PABPC4L: variants seen among roughly 807,000 people sequenced by gnomAD.
PABPC4L encodes poly(A) binding protein cytoplasmic 4 like.
For missense variants in PABPC4L, 452 were observed against 451.4 expected (o/e 1.00, Z -0.01); for synonymous variants, 169 against 164.1 (o/e 1.03, Z -0.23).
the PABPC4L span, among the ~76,000 whole-genome samples, chr4:134,115,648 G>C: frequency 6.6e-6 from 1 of 151,716 alleles, no homozygotes; most frequent in Non-Finnish European, 1.5e-5. Flanking sequence ...CAAGAATAAA[G>C]AAGTACAATT....
the PABPC4L span, among the ~76,000 whole-genome samples, chr4:134,024,258 C>T: frequency 6.6e-6 from 1 of 152,108 alleles, no homozygotes; most frequent in Non-Finnish European, 1.5e-5. Flanking sequence ...AAAGCCCTCT[C>T]CAAAACTCTC....
At chr4:134,015,100 T>G in the PABPC4L span, among the ~76,000 whole-genome samples, 2 of 152,082 alleles carry the variant, frequency 1.3e-5, no homozygotes, top group African/African-American at 4.8e-5. Context: ...CGACTGATCA[T>G]GCAACCCTTA....
At chr4:134,089,446 T>C in the PABPC4L span, among the ~76,000 whole-genome samples, 1 of 152,054 alleles carries the variant, frequency 6.6e-6, no homozygotes, top group Non-Finnish European at 1.5e-5. Context: ...ACTATTAGTG[T>C]TTTACATTCT....
At chr4:134,087,205 A>C in the PABPC4L span, among the ~76,000 whole-genome samples, 2 of 152,044 alleles carry the variant, frequency 1.3e-5, no homozygotes, top group Non-Finnish European at 2.9e-5. Context: ...GATAGACTGG[A>C]TTAAGAAAAT....
chr4:134,109,966 A>C, the PABPC4L span, among the ~76,000 whole-genome samples: 1 of 152,094 alleles, frequency 6.6e-6, no homozygotes, highest in East Asian at 1.9e-4. Context: ...ACTGAACAAA[A>C]AACTGCTTTG....
the PABPC4L span, among the ~76,000 whole-genome samples, chr4:133,994,481 C>T: frequency 5.3e-5 from 8 of 152,132 alleles, no homozygotes; most frequent in African/African-American, 2.4e-5. Context: ...CGAATCCCAA[C>T]ATGTTAGGGG....
chr4:134,063,779 T>TA, the PABPC4L span, among the ~76,000 whole-genome samples: 1 of 151,934 alleles, frequency 6.6e-6, no homozygotes, highest in South Asian at 2.1e-4. Flanking sequence ...ACCAGACCAA[T>TA]AAAAAAAGTA....
chr4:134,146,823 G>A, the PABPC4L span, among the ~76,000 whole-genome samples: 13 of 152,064 alleles, frequency 8.5e-5, 1 homozygote, highest in Non-Finnish European at 1.9e-4. Context: ...CATTCAGAAG[G>A]AACCAATCTA....
chr4:134,022,573 T>G, the PABPC4L span, among the ~76,000 whole-genome samples: 4 of 149,902 alleles, frequency 2.7e-5, 1 homozygote, highest in Non-Finnish European at 5.9e-5. Flanking sequence ...TTAGTTTAGT[T>G]TTTTTTTTAT....
At chr4:134,007,489 T>A in the PABPC4L span, among the ~76,000 whole-genome samples, 9 of 151,742 alleles carry the variant, frequency 5.9e-5, no homozygotes, top group Admixed American at 2.6e-4. Context: ...TTACATATAT[T>A]ATCTCATCTA....
At chr4:134,066,647 G>A in the PABPC4L span, among the ~76,000 whole-genome samples, 1 of 152,026 alleles carries the variant, frequency 6.6e-6, no homozygotes, top group African/African-American at 2.4e-5. Flanking sequence ...TCCAGCTTTT[G>A]CCCGTACAGT....
chr4:134,061,845 A>G, the PABPC4L span, among the ~76,000 whole-genome samples: 2 of 151,840 alleles, frequency 1.3e-5, no homozygotes, highest in Non-Finnish European at 2.9e-5. Flanking sequence ...GAAAAGAAAA[A>G]GAAGAAAGAA....
At position 134,198,433 on chromosome 4, in the gene PABPC4L, A is replaced by G. The variant is rs935005412; in HGVS notation, c.*1474T>C. On this transcript the variant is annotated 3_prime_UTR_variant, in exon 2 of 2. Coordinates refer to ENST00000421491, the MANE Select transcript of PABPC4L (RefSeq NM_001114734.2). ...TATAATTTCTATAAAAATAAAAGGC[A>G]ACAAATTTTTCTCATTCATAAGCTG... 5 of 151,678 alleles carry G rather than the reference A, an allele frequency of 3.3e-5. No individual in the cohort carries two copies. The highest frequency in any genetic ancestry group is 1.2e-4 in the African/African-American group (5 of 41,428). The allele number at this position is 151,678 out of a possible 1,614,324, so 9.4% of individuals were successfully genotyped here.
the PABPC4L span, among the ~76,000 whole-genome samples, chr4:134,080,997 A>G: frequency 6.6e-6 from 1 of 152,178 alleles, no homozygotes. Flanking sequence ...TCAGACTCCA[A>G]AGCAATTTTT....
chr4:133,986,582 T>C, the PABPC4L span, among the ~76,000 whole-genome samples: 3 of 152,128 alleles, frequency 2.0e-5, no homozygotes, highest in African/African-American at 7.2e-5. Flanking sequence ...GTACTGAAAT[T>C]GATTTGCAAA....
the PABPC4L span, among the ~76,000 whole-genome samples, chr4:134,067,278 T>C: frequency 6.6e-6 from 1 of 152,070 alleles, no homozygotes; most frequent in Non-Finnish European, 1.5e-5. Flanking sequence ...AAGTTTCCAA[T>C]AGTTTATCCA....
the PABPC4L span, among the ~76,000 whole-genome samples, chr4:134,054,229 A>C: frequency 7.7e-6 from 1 of 130,420 alleles, no homozygotes; most frequent in African/African-American, 2.8e-5. Flanking sequence ...ATTTTTTTTA[A>C]AGAGACTACT....
the PABPC4L span, among the ~76,000 whole-genome samples, chr4:134,045,130 A>G: frequency 1.3e-5 from 2 of 152,166 alleles, no homozygotes; most frequent in South Asian, 4.1e-4. Context: ...ATACTTTACT[A>G]ACATTATGCA....
At chr4:134,086,469 C>A in the PABPC4L span, among the ~76,000 whole-genome samples, 1 of 152,042 alleles carries the variant, frequency 6.6e-6, no homozygotes, top group East Asian at 1.9e-4. Context: ...TGTCTCTCTG[C>A]TCTTTTCCTT....
Sources: allele counts gnomAD v4.1 joint callset (sites outside exome capture counted in the v4.1 genomes callset), GRCh38; gene constraint gnomAD v4.1.1; transcripts MANE v1.5; gene names NCBI Gene and HGNC (gene_info 2026-07-23, HGNC 2026-07-21).